Variants in LRP1B observed in about 807,000 individuals in gnomAD.
LRP1B encodes the protein low-density lipoprotein receptor-related protein 1B.
A neutral mutation model predicts 556.6 loss-of-function variants in LRP1B; 217 were observed. The ratio of observed to expected loss-of-function variants is 0.39; its 90% CI spans 0.35 to 0.44. LRP1B has a LOEUF of 0.44. Among genes scored for constraint, LRP1B ranks in the 20% least tolerant of loss-of-function variants. The pLI is 1.00. For missense variants in LRP1B, 5,053 were observed against 5,620.8 expected (o/e 0.90, Z 3.23); for synonymous variants, 2,047 against 1,865.8 (o/e 1.10, Z -2.50).
rs370541217 is a variant in LRP1B at position 141,024,626 on chromosome 2, T to C, written c.1790-4524A>G. Among the ~76,000 whole-genome samples the C allele has an allele frequency of 2.8e-4, 43 of 152,126 alleles. No individual in the cohort carries two copies. In the East Asian group the frequency reaches 6.2e-3, roughly 22 times the overall value. ...GATGAATAAAATGAAAGATCAAGAA[T>C]GGTTAAGGACTGAGATTTTTATCAT... On this transcript the variant is annotated intron_variant, in intron 11 of 90. Transcript: ENST00000389484.
intron 2 of LRP1B, among the ~76,000 whole-genome samples, chr2:141,761,562 T>C (rs1694549005): frequency 6.6e-6 from 1 of 152,202 alleles, no homozygotes; most frequent in South Asian, 2.1e-4. Flanking sequence ...TGAGATGTGC[T>C]ATTAGAAATT....
At position 140,509,083 on chromosome 2, in the gene LRP1B, A is replaced by AACACACAC. The variant is rs61074935; in HGVS notation, c.8398+837_8398+844dup. 2.0e-3 allele frequency among the ~76,000 whole-genome samples: 295 copies of AACACACAC among 148,894 alleles called. No individual in the cohort carries two copies. In the East Asian group the frequency reaches 0.021, roughly 11 times the overall value. On this transcript the variant is annotated intron_variant, in intron 52 of 90. Transcript: ENST00000389484. The stretch of plus-strand genomic sequence containing the variant: ...CCCTGCACACACACACACACACACA[A>AACACACAC]ACACACACACACACACACACACACA...
chr2:140,964,910 C>A (rs1344288326), intron 18 of LRP1B, among the ~76,000 whole-genome samples: 1 of 152,056 alleles, frequency 6.6e-6, no homozygotes, highest in East Asian at 1.9e-4. Flanking sequence ...GCTGAGACTG[C>A]GTCATTGCAC....
chr2:140,637,573 A>AT (rs150615535), intron 41 of LRP1B, among the ~76,000 whole-genome samples: 1,853 of 150,500 alleles, frequency 0.012, 33 homozygotes, highest in African/African-American at 0.04. Context: ...TTAGAGTTCA[A>AT]TTTTTTTTTT....
intron 1 of LRP1B, among the ~76,000 whole-genome samples, chr2:142,103,886 GATTC>G (rs1706652712): frequency 6.6e-6 from 1 of 152,060 alleles, no homozygotes; most frequent in South Asian, 2.1e-4. Context: ...GCCAATCCAG[GATTC>G]ATTAGCAGAA....
intron 2 of LRP1B, among the ~76,000 whole-genome samples, chr2:141,683,891 A>T (rs1445479971): frequency 1.3e-5 from 2 of 152,112 alleles, no homozygotes; most frequent in African/African-American, 4.8e-5. Context: ...CCACAATGAC[A>T]TACCATCTCA....
At chr2:141,656,913 C>T (rs540450189) in intron 2 of LRP1B, among the ~76,000 whole-genome samples, 1 of 152,048 alleles carries the variant, frequency 6.6e-6, no homozygotes, top group Admixed American at 6.6e-5. Context: ...GGCTTAGAAG[C>T]AAATACAATT....
At chr2:141,143,032 G>C (rs1287804381) in intron 7 of LRP1B, among the ~76,000 whole-genome samples, 4 of 144,480 alleles carry the variant, frequency 2.8e-5, no homozygotes, top group Non-Finnish European at 4.5e-5. Context: ...AGGTTCAAAC[G>C]ATTCTCCTGC....
At chr2:140,999,251 A>T (rs1697341630) in intron 15 of LRP1B, among the ~76,000 whole-genome samples, 1 of 152,122 alleles carries the variant, frequency 6.6e-6, no homozygotes, top group Non-Finnish European at 1.5e-5. Flanking sequence ...TAGAAGATAT[A>T]GCAGAATTTT....
rs1682669696 is a variant in LRP1B, at chr2:140,601,485, G to A, written c.6954C>T (p.Asp2318=). Residue 2318 remains aspartate (D), a synonymous_variant, in exon 42 of 91, where the codon GAC becomes GAT. Transcript: ENST00000389484. ...CATCCAAGGCTAGCACATGTGGATG[G>A]TCATCTTCTGACATGGTGATGACAG... ...REAVITMSED[D]HPHVLALDEC... 6.2e-7 allele frequency: 1 copy of A among 1,612,588 alleles called. No individual in the cohort carries two copies. The highest frequency in any genetic ancestry group is 8.5e-7 in the Non-Finnish European group (1 of 1,179,106).
At chr2:140,509,489 T>C (rs183280135) in intron 52 of LRP1B, among the ~76,000 whole-genome samples, 70 of 152,264 alleles carry the variant, frequency 4.6e-4, no homozygotes, top group South Asian at 1.2e-3. Context: ...TCCATAGGAC[T>C]AATAGGTGTT....
At chr2:141,270,471 A>G (rs530337837) in intron 3 of LRP1B, among the ~76,000 whole-genome samples, 5 of 152,220 alleles carry the variant, frequency 3.3e-5, no homozygotes, top group Admixed American at 2.0e-4. Context: ...TCAAAGAGAT[A>G]TTTGTACAAC....
rs772332891 is a variant in LRP1B at position 140,951,945 on chromosome 2, G to C, written c.2888-5C>G. ...GTGGCTCACAAGTTGGGAATTCTGT[G>C]AAAGATATAAAAATGTCCAAAAGGT... On this transcript the variant is annotated splice_polypyrimidine_tract_variant and splice_region_variant and intron_variant, in intron 18 of 90. Transcript: ENST00000389484. 6.2e-7 allele frequency: 1 copy of C among 1,605,694 alleles called. No homozygotes were observed. Among genetic ancestry groups the C allele is most frequent in the Non-Finnish European group, 8.5e-7 (1 of 1,172,336 alleles).
chr2:140,629,539 C>T (rs1683803278), intron 41 of LRP1B, among the ~76,000 whole-genome samples: 2 of 152,096 alleles, frequency 1.3e-5, no homozygotes. Flanking sequence ...TTTTAAACTG[C>T]CTGAGTCCAG....
At chr2:141,075,107 G>A (rs1396248739) in intron 7 of LRP1B, among the ~76,000 whole-genome samples, 1 of 152,116 alleles carries the variant, frequency 6.6e-6, no homozygotes, top group Non-Finnish European at 1.5e-5. Flanking sequence ...CTTTATGTAA[G>A]CAACCTGAAT....
chr2:141,681,853 G>A (rs955276253), intron 2 of LRP1B, among the ~76,000 whole-genome samples: 3 of 152,122 alleles, frequency 2.0e-5, no homozygotes, highest in African/African-American at 7.2e-5. Flanking sequence ...CTACTCTTCA[G>A]TTCAATAGAA....
At position 141,266,873 on chromosome 2, in the gene LRP1B, A is replaced by G. The variant is rs533734471; in HGVS notation, c.344-12232T>C. On this transcript the variant is annotated intron_variant, in intron 3 of 90. Coordinates refer to ENST00000389484, the MANE Select transcript of LRP1B (RefSeq NM_018557.3). Reference sequence around the variant, plus strand: ...TATTCATTGACACAATTTGCTAAAAAATAAATGTATAATCTTTAGGTATAA... The same window carrying G: ...TATTCATTGACACAATTTGCTAAAAGATAAATGTATAATCTTTAGGTATAA... 2.0e-5 allele frequency among the ~76,000 whole-genome samples: 3 copies of G among 152,370 alleles called. No individual in the cohort carries two copies. In the South Asian group the frequency reaches 6.2e-4, roughly 32 times the overall value.
At chr2:141,396,828 A>C (rs1690252260) in intron 3 of LRP1B, among the ~76,000 whole-genome samples, 1 of 152,122 alleles carries the variant, frequency 6.6e-6, no homozygotes, top group Admixed American at 6.5e-5. Context: ...CATACAAATA[A>C]AAGAGGATGC....
intron 22 of LRP1B, among the ~76,000 whole-genome samples, chr2:140,905,613 A>G (rs1235409456): frequency 6.6e-6 from 1 of 152,000 alleles, no homozygotes; most frequent in Non-Finnish European, 1.5e-5. Flanking sequence ...AAGATAAGAG[A>G]AGCCTGTTTT....
Sources: allele counts gnomAD v4.1 joint callset (sites outside exome capture counted in the v4.1 genomes callset), GRCh38; gene constraint gnomAD v4.1.1; transcripts MANE v1.5; gene names NCBI Gene and HGNC (gene_info 2026-07-23, HGNC 2026-07-21).